Variants in CRYBG2 observed in about 807,000 individuals in gnomAD.
CRYBG2 encodes the protein beta/gamma crystallin domain-containing protein 2.
CRYBG2 carries 106 observed loss-of-function variants against 153.4 expected under a neutral mutation model. The observed-to-expected ratio is 0.69, with a 90% confidence interval of 0.59 to 0.81. The LOEUF (loss-of-function observed/expected upper bound fraction) is 0.81, where lower values mean the gene tolerates loss of function less well. CRYBG2 is among the 30% of genes least tolerant of loss of function. The pLI, the probability that CRYBG2 is intolerant of heterozygous loss-of-function variation, is 0.00. For missense variants in CRYBG2, 1,996 were observed against 2,112.0 expected, an observed-to-expected ratio of 0.95 and a Z score of 1.08; for synonymous variants, 851 against 877.8, an observed-to-expected ratio of 0.97 and a Z score of 0.54.
chr1:26,337,147 A>G, intron 10 of CRYBG2, 106 bp downstream of exon 10: 1 of 1,567,180 alleles, frequency 6.4e-7, no homozygotes, highest in Admixed American at 1.8e-5. Context: ...GAACACTTAC[A>G]GGGAGAACAC....
intron 1 of CRYBG2, among the ~76,000 whole-genome samples, chr1:26,347,498 A>C (rs1557721117): frequency 6.8e-6 from 1 of 146,034 alleles, no homozygotes; most frequent in Non-Finnish European, 1.5e-5. Context: ...TTATTTATTT[A>C]TTTTTTTTGA....
chr1:26,341,065 G>A (rs924116777), intron 5 of CRYBG2, among the ~76,000 whole-genome samples: 4 of 152,106 alleles, frequency 2.6e-5, no homozygotes, highest in African/African-American at 7.2e-5. Context: ...CAGGCCGGGC[G>A]CAGTGGCTCA....
chr1:26,343,143 T>C lies in CRYBG2; in HGVS notation c.2978A>G (p.Glu993Gly). ...TRPGKVIFFS[E>G]SGCQGSGREV... is the part of the protein sequence containing the mutation. ...CCTGCCACTGCCTTGGCAGCCAGAC[T>C]CTGAGAAGAAGATCACCTGAGAAGG... Residue 993 changes from glutamate (E) to glycine (G), a missense_variant, in exon 4 of 20, where the codon GAG (glutamate) becomes GGG (glycine). Physicochemically the swap from Glu to Gly is moderately conservative, Grantham distance 98 (BLOSUM62 -2). Coordinates refer to ENST00000308182, the MANE Select transcript of CRYBG2 (RefSeq NM_001039775.4). This position sits in a 1 kb window ranked among gnomAD's most constrained non-coding sequence, Gnocchi z 4.1. 6.4e-7 allele frequency: 1 copy of C among 1,550,572 alleles called. No homozygotes were observed. The highest frequency in any genetic ancestry group is 8.7e-7 in the Non-Finnish European group (1 of 1,146,976).
Position 26,343,413 on chromosome 1 carries a change from C to T in CRYBG2, c.2914-120G>A, listed in dbSNP as rs564718692. 32 of 1,214,990 alleles carry T rather than the reference C, an allele frequency of 2.6e-5. No individual in the cohort carries two copies. The highest frequency in any genetic ancestry group is 3.5e-5 in the Non-Finnish European group (30 of 847,008). The allele number at this position is 1,214,990 out of a possible 1,614,324, so 75.3% of individuals were successfully genotyped here. On this transcript the variant is annotated intron_variant, in intron 2 of 19. Coordinates refer to ENST00000308182, the MANE Select transcript of CRYBG2 (RefSeq NM_001039775.4). The surrounding 1 kb of genome is among the most constrained non-coding windows in gnomAD (Gnocchi z 4.1). ...TTAACCTCCACCCGCAAGGAGCTGGCGCATAGAGGATGCTCACACTTGTTC... is the reference window on the plus strand; with the variant it reads ...TTAACCTCCACCCGCAAGGAGCTGGTGCATAGAGGATGCTCACACTTGTTC...
chr1:26,327,829 C>G (rs1014970258), intron 17 of CRYBG2, among the ~76,000 whole-genome samples: 4 of 151,940 alleles, frequency 2.6e-5, no homozygotes, highest in Admixed American at 6.6e-5. Flanking sequence ...TGCCTGTGGT[C>G]CCAGTTACTT....
At chr1:26,323,610 C>A (rs1263650084) in intron 18 of CRYBG2, among the ~76,000 whole-genome samples, 1 of 152,084 alleles carries the variant, frequency 6.6e-6, no homozygotes, top group African/African-American at 2.4e-5. Context: ...TCTACCTTTT[C>A]TCTTATTTTT....
chr1:26,352,747 C>T (rs1384960045), intron 1 of CRYBG2, among the ~76,000 whole-genome samples: 1 of 148,108 alleles, frequency 6.8e-6, no homozygotes, highest in African/African-American at 2.5e-5. Flanking sequence ...CCAGCTAACC[C>T]TACTTCTCTT....
rs563886001 is a variant in CRYBG2 at position 26,343,928 on chromosome 1, G to A, written c.2730C>T (p.Phe910=). ...PTSRLGGSLL[F]GSLVPTAKEA... ...CCTTGGCGGTAGGCACCAGACTGCC[G>A]AACAGAAGGCTGCCTCCAAGACGGG... The change falls in exon 2 of 20, where the codon TTC becomes TTT. Residue 910 remains phenylalanine (F), a synonymous_variant. Coordinates refer to ENST00000308182, the MANE Select transcript of CRYBG2 (RefSeq NM_001039775.4). The surrounding 1 kb of genome is among the most constrained non-coding windows in gnomAD (Gnocchi z 4.1). 3.0e-5 allele frequency: 46 copies of A among 1,539,012 alleles called. No individual in the cohort carries two copies. The highest frequency in any genetic ancestry group is 1.1e-4 in the South Asian group (9 of 83,584).
chr1:26,338,050 G>T lies in CRYBG2; in HGVS notation c.3472-3C>A. 6.2e-7 allele frequency: 1 copy of T among 1,612,666 alleles called. No individual in the cohort carries two copies. Among genetic ancestry groups the T allele is most frequent in the South Asian group, 1.1e-5 (1 of 90,666 alleles). On this transcript the variant is annotated splice_polypyrimidine_tract_variant and splice_region_variant and intron_variant, in intron 7 of 19. Transcript: ENST00000308182. ...GGCTTCTCCACACTTGGGCAGCCCT[G>T]CAGAGGAGACAGAGCTGAGACACCA...
In CRYBG2 at chr1:26,346,089, C is replaced by T. The variant is rs773452939; in HGVS notation, c.569G>A (p.Arg190Gln). 3.0e-5 allele frequency: 48 copies of T among 1,577,390 alleles called. No individual in the cohort carries two copies. In the East Asian group the frequency reaches 7.2e-4, roughly 24 times the overall value. The part of the protein sequence containing the change: ...TTTVVGGHVD[R>Q]RMSSSVTVRP... The stretch of plus-strand genomic sequence containing the variant: ...CACAGTCACAGAGCTGCTCATCCGC[C>T]GGTCCACATGACCTCCCACCACTGT... Residue 190 changes from arginine to glutamine, a missense_variant, in exon 2 of 20, where the codon CGG becomes CAG. Coordinates refer to ENST00000308182, the MANE Select transcript of CRYBG2 (RefSeq NM_001039775.4). The surrounding 1 kb of genome is among the most constrained non-coding windows in gnomAD (Gnocchi z 4.9).
chr1:26,339,371 A>T lies in CRYBG2; in HGVS notation c.3263T>A (p.Val1088Glu). The T allele has an allele frequency of 6.2e-7, 1 of 1,614,204 alleles. No homozygotes were observed. Among genetic ancestry groups the T allele is most frequent in the Non-Finnish European group, 8.5e-7 (1 of 1,180,034 alleles). The stretch of plus-strand genomic sequence containing the variant: ...ATTCTTCAAGGCCTCTGTTAGCTTC[A>T]CTTGCTCCCCCTTGAGGCCCTCCTC... ...FSEEGLKGEQVKLTEALKNSQ... is the reference protein window; with the variant it reads ...FSEEGLKGEQEKLTEALKNSQ... The change falls in exon 6 of 20, where the codon GTG (valine) becomes GAG (glutamate). Residue 1088 changes from valine to glutamate, a missense_variant. Physicochemically the swap from Val to Glu is moderately radical, Grantham distance 121. Transcript: ENST00000308182.
rs1160004343 is a variant in CRYBG2, at chr1:26,338,034, A to G, written c.3485T>C (p.Val1162Ala). 6.2e-7 allele frequency: 1 copy of G among 1,612,756 alleles called. No homozygotes were observed. The highest frequency in any genetic ancestry group is 2.2e-5 in the East Asian group (1 of 44,880). The change falls in exon 8 of 20, where the codon GTG (valine) becomes GCG (alanine). Residue 1162 changes from valine (V) to alanine (A), a missense_variant. Val to Ala is a moderately conservative substitution (Grantham distance 64). Transcript: ENST00000308182. ...TACCCTGGGCTCCCCTGGCTTCTCC[A>G]CACTTGGGCAGCCCTGCAGAGGAGA... ...LKPMRLGCPS[V>A]EKPGEPRAVV...
chr1:26,350,575 C>T (rs188575564), intron 1 of CRYBG2, among the ~76,000 whole-genome samples: 2 of 152,240 alleles, frequency 1.3e-5, no homozygotes, highest in Non-Finnish European at 1.5e-5. Context: ...GTAACCGAAA[C>T]AAGACTTGAA....
In CRYBG2 at chr1:26,329,479, A is replaced by ATTTTT. The variant is rs34287969; in HGVS notation, c.4315-611_4315-607dup. Among the ~76,000 whole-genome samples, 2 of 139,572 alleles carry ATTTTT rather than the reference A, an allele frequency of 1.4e-5. 1 individual carries two copies. The highest frequency in any genetic ancestry group is 3.1e-5 in the Non-Finnish European group (2 of 64,654). 91.6% of individuals were successfully genotyped at this position (139,572 alleles called of 152,430 possible). On this transcript the variant is annotated intron_variant, in intron 15 of 19. Transcript: ENST00000308182. Reference sequence around the variant, plus strand: ...GGGTGAGCCACCATGCGCAGCTTAGATTTTTTTTTTTTTTTTTTGAGATAG... The same window carrying ATTTTT: ...GGGTGAGCCACCATGCGCAGCTTAGATTTTTTTTTTTTTTTTTTTTTTTGAGATAG...
In CRYBG2 at chr1:26,336,271, A is replaced by T; in HGVS notation, c.4072-64T>A. The T allele has an allele frequency of 6.2e-7, 1 of 1,601,392 alleles. No homozygotes were observed. The highest frequency in any genetic ancestry group is 1.7e-5 in the Admixed American group (1 of 58,782). ...TGGAGTGGGGCCGAGAACAGCGGGG[A>T]GGGGAAAGGTCCGAAATGAGGGGAG... On this transcript the variant is annotated intron_variant, in intron 13 of 19. Transcript: ENST00000308182. The surrounding 1 kb of genome is among the most constrained non-coding windows in gnomAD (Gnocchi z 4.9).
rs1231195592 is a variant in CRYBG2, at chr1:26,344,191, G to A, written c.2467C>T (p.Leu823=). The A allele has an allele frequency of 3.9e-6, 6 of 1,535,662 alleles. 1 individual carries two copies. The South Asian group carries it at 6.0e-5, about 15-fold the overall frequency. ...TCCTCCTCCTCCTCTTTCTCTTCCA[G>A]TGAAGGCACCTCCTGGGGTCCGGGG... is the stretch of plus-strand genomic sequence containing the variant. ...LGPGPQEVPS[L]EEKEEEEEEE... The change falls in exon 2 of 20, where the codon CTG becomes TTG. Residue 823 remains leucine, a synonymous_variant. Transcript: ENST00000308182.
In CRYBG2 at chr1:26,336,575, G is replaced by C; in HGVS notation, c.4038+31C>G. 6.5e-7 allele frequency: 1 copy of C among 1,542,234 alleles called. No individual in the cohort carries two copies. The highest frequency in any genetic ancestry group is 8.7e-7 in the Non-Finnish European group (1 of 1,143,166). Reference sequence around the variant, plus strand: ...CCCGAACTCCAGGTCCCGCCACCGGGGAGGCCCCGCCCCCCGCGGCCGGCA... The same window carrying C: ...CCCGAACTCCAGGTCCCGCCACCGGCGAGGCCCCGCCCCCCGCGGCCGGCA... On this transcript the variant is annotated intron_variant, in intron 12 of 19. Transcript: ENST00000308182. This position sits in a 1 kb window ranked among gnomAD's most constrained non-coding sequence, Gnocchi z 4.9.
At chr1:26,328,398 G>A in intron 16 of CRYBG2, 66 bp from the exon 17 acceptor site, 1 of 1,535,228 alleles carries the variant, frequency 6.5e-7, no homozygotes. Context: ...GACAGGTGGA[G>A]GAGGAGACAC....
Position 26,345,243 on chromosome 1 carries a change from G to A in CRYBG2, c.1415C>T (p.Ala472Val), listed in dbSNP as rs775306280. ...EVVKGPGAPA[A>V]SSPTRKEVVQ... Reference sequence around the variant, plus strand: ...CACCTCCTTCCGGGTGGGAGATGAGGCAGCAGGAGCACCGGGGCCCTTCAC... The same window carrying A: ...CACCTCCTTCCGGGTGGGAGATGAGACAGCAGGAGCACCGGGGCCCTTCAC... Residue 472 changes from alanine to valine, a missense_variant, in exon 2 of 20, where the codon GCC (alanine) becomes GTC (valine). Transcript: ENST00000308182. 9 of 1,584,862 alleles carry A rather than the reference G, an allele frequency of 5.7e-6. No homozygotes were observed. The highest frequency in any genetic ancestry group is 3.5e-5 in the Admixed American group (2 of 57,792).
Sources: gnomAD v4.1 joint callset for allele counts (sites outside exome capture counted in the v4.1 genomes callset) on GRCh38, gnomAD v4.1.1 for gene constraint, Gnocchi (gnomAD v3.1) non-coding constraint, MANE v1.5 for transcripts, NCBI Gene and HGNC (gene_info 2026-07-23, HGNC 2026-07-21) for gene names.